PPP2R2B: variants seen among roughly 807,000 people sequenced by gnomAD.
PPP2R2B encodes the protein protein phosphatase 2 regulatory subunit Bbeta, also known as serine/threonine-protein phosphatase 2A 55 kDa regulatory subunit B beta isoform.
PPP2R2B carries 5 observed loss-of-function variants against 46.0 expected under a neutral mutation model. The observed-to-expected ratio is 0.11, with a 90% CI of 0.06 to 0.23. The LOEUF is 0.23. Among genes scored for constraint, PPP2R2B ranks in the 10% least tolerant of loss-of-function variants. The pLI is 1.00. For missense variants in PPP2R2B, 367 were observed against 575.0 expected (o/e 0.64, Z 3.70); for synonymous variants, 215 against 206.7 (o/e 1.04, Z -0.34).
At chr5:146,637,430 C>T (rs143966399) in intron 7 of PPP2R2B, among the ~76,000 whole-genome samples, 183 of 152,288 alleles carry the variant, frequency 1.2e-3, no homozygotes, top group African/African-American at 4.3e-3. Flanking sequence ...AAACAAAAAT[C>T]TATGTAGCGC....
At chr5:146,906,107 G>A (rs990578419) in intron 1 of PPP2R2B, among the ~76,000 whole-genome samples, 1 of 152,136 alleles carries the variant, frequency 6.6e-6, no homozygotes, top group East Asian at 1.9e-4. Flanking sequence ...TTCTAGTAAA[G>A]ATATATTGTC....
chr5:146,707,412 T>C (rs1779931046), intron 2 of PPP2R2B: 1 of 778,296 alleles, frequency 1.3e-6, no homozygotes, highest in East Asian at 2.4e-5. Context: ...TCTGGTTGAC[T>C]GGGACGGCAG....
At chr5:146,838,387 C>T (rs183314384) in intron 2 of PPP2R2B, among the ~76,000 whole-genome samples, 3 of 151,986 alleles carry the variant, frequency 2.0e-5, no homozygotes, top group Admixed American at 1.3e-4. Flanking sequence ...GCCTGGCCAA[C>T]ATGGTGGATC....
rs1758193682 is a variant in PPP2R2B at position 146,820,540 on chromosome 5, G to A, written c.70+57462C>T. ...GAATTTTAAAATGCAATATAAAAGA[G>A]CAATGTGATCACAAAAGCACACTAC... On this transcript the variant is annotated intron_variant, in intron 2 of 9. Transcript: ENST00000394411. Among the ~76,000 whole-genome samples, 5 of 152,196 alleles carry A rather than the reference G, an allele frequency of 3.3e-5. No homozygotes were observed. The South Asian group carries it at 1.0e-3, about 32-fold the overall frequency.
Position 146,935,206 on chromosome 5 carries a change from G to T in PPP2R2B, c.79+120459C>A, listed in dbSNP as rs1764100698. Among the ~76,000 whole-genome samples, 6 of 152,204 alleles carry T rather than the reference G, an allele frequency of 3.9e-5. No individual in the cohort carries two copies. The South Asian group carries it at 1.2e-3, about 32-fold the overall frequency. The stretch of plus-strand genomic sequence containing the variant: ...TTTGAGAGGTGACTAGATCATGAGG[G>T]CAGAGCCCTCACAAATGGAATTAGT... On this transcript the variant is annotated intron_variant, in intron 1 of 8. Coordinates refer to the PPP2R2B transcript ENST00000336640.
intron 6 of PPP2R2B, among the ~76,000 whole-genome samples, chr5:146,650,036 A>G (rs900044534): frequency 6.6e-6 from 1 of 152,210 alleles, no homozygotes; most frequent in African/African-American, 2.4e-5. Context: ...CAATTATAAT[A>G]TGTACTTTTC....
rs1311383894 is a variant in PPP2R2B, at chr5:147,031,198, T to C, written c.79+24467A>G. On this transcript the variant is annotated intron_variant, in intron 1 of 8. Transcript: ENST00000336640. Reference sequence around the variant, plus strand: ...CTTGCAGTGAGCTGAGATCACGCCATGGCACTCCAGCCTGGGCAACAGCGA... The same window carrying C: ...CTTGCAGTGAGCTGAGATCACGCCACGGCACTCCAGCCTGGGCAACAGCGA... Among the ~76,000 whole-genome samples, 3 of 151,764 alleles carry C rather than the reference T, an allele frequency of 2.0e-5. No homozygotes were observed. In the East Asian group the frequency reaches 5.8e-4, roughly 29 times the overall value.
intron 2 of PPP2R2B, among the ~76,000 whole-genome samples, chr5:146,875,498 CA>C (rs1251227003): frequency 6.6e-6 from 1 of 152,100 alleles, no homozygotes; most frequent in East Asian, 1.9e-4. Context: ...ACTTACAATG[CA>C]AATTGAGTTT....
chr5:147,057,432 C>G (rs1421334701), upstream of PPP2R2B, among the ~76,000 whole-genome samples: 1 of 152,176 alleles, frequency 6.6e-6, no homozygotes. Flanking sequence ...CATATCTAAC[C>G]TCTGGCCAGC....
chr5:146,821,280 T>G (rs1758246305), intron 2 of PPP2R2B, among the ~76,000 whole-genome samples: 1 of 152,152 alleles, frequency 6.6e-6, no homozygotes. Context: ...CATACTCTTC[T>G]CTCCCATTTC....
At chr5:146,739,887 A>G (rs913641840) in intron 2 of PPP2R2B, among the ~76,000 whole-genome samples, 2 of 152,210 alleles carry the variant, frequency 1.3e-5, no homozygotes, top group Non-Finnish European at 2.9e-5. Context: ...AATCCTTTGT[A>G]GATTTGAGGG....
chr5:146,959,488 C>T (rs1421273683), intron 1 of PPP2R2B, among the ~76,000 whole-genome samples: 2 of 152,138 alleles, frequency 1.3e-5, no homozygotes, highest in African/African-American at 2.4e-5. Flanking sequence ...CCACCCAGTA[C>T]CTCACCTATT....
At chr5:146,669,088 A>T (rs1300054098) in intron 5 of PPP2R2B, among the ~76,000 whole-genome samples, 1 of 152,222 alleles carries the variant, frequency 6.6e-6, no homozygotes, top group Non-Finnish European at 1.5e-5. Flanking sequence ...ACAAATGTGC[A>T]GTTCATTTAA....
chr5:146,934,583 G>GA (rs3062352), intron 1 of PPP2R2B, among the ~76,000 whole-genome samples: 1,237 of 31,512 alleles, frequency 0.039, 118 homozygotes, highest in African/African-American at 0.1. Context: ...TTTTTCATAA[G>GA]AAAAAAAAAA....
chr5:146,887,876 T>A (rs1168326667), intron 1 of PPP2R2B, among the ~76,000 whole-genome samples: 1 of 152,230 alleles, frequency 6.6e-6, no homozygotes, highest in Non-Finnish European at 1.5e-5. Context: ...TTTTAGATTG[T>A]ACTGGAGAGT....
chr5:146,881,084 G>A (rs926547613), upstream of PPP2R2B, among the ~76,000 whole-genome samples: 10 of 152,062 alleles, frequency 6.6e-5, no homozygotes, highest in African/African-American at 2.2e-4. Context: ...GAGAGTGGGG[G>A]AGATGGGAGT....
At chr5:147,073,968 G>A (rs1408562911) in intron 2 of PPP2R2B, among the ~76,000 whole-genome samples, 2 of 151,834 alleles carry the variant, frequency 1.3e-5, no homozygotes, top group African/African-American at 4.8e-5. Flanking sequence ...CCTGGGAGAT[G>A]GAGGTTGCAG....
At chr5:146,734,518 A>T (rs982076996) in intron 2 of PPP2R2B, among the ~76,000 whole-genome samples, 39 of 152,284 alleles carry the variant, frequency 2.6e-4, no homozygotes, top group African/African-American at 9.1e-4. Flanking sequence ...CAAGAACTAG[A>T]ATTCACTTCC....
At chr5:146,842,329 A>T (rs1446152484) in intron 2 of PPP2R2B, among the ~76,000 whole-genome samples, 2 of 150,654 alleles carry the variant, frequency 1.3e-5, no homozygotes, top group African/African-American at 4.9e-5. Flanking sequence ...ATTCCTTCCC[A>T]CCCCCACACA....
Sources: allele counts gnomAD v4.1 joint callset (sites outside exome capture counted in the v4.1 genomes callset), GRCh38; gene constraint gnomAD v4.1.1; transcripts MANE v1.5; gene names NCBI Gene and HGNC (gene_info 2026-07-23, HGNC 2026-07-21).